EYS: variants seen among roughly 807,000 people sequenced by gnomAD.
EYS encodes the protein protein eyes shut homolog.
In EYS, 250 loss-of-function variants were observed where a neutral mutation model predicts 282.1. The ratio of observed to expected loss-of-function variants is 0.89; its 90% confidence interval spans 0.80 to 0.98. The LOEUF (loss-of-function observed/expected upper bound fraction) is 0.98, where lower values mean the gene tolerates loss of function less well. Ranked by LOEUF, EYS falls within the 50% of genes least tolerant of loss-of-function variation. EYS has a pLI of 0.00. For synonymous variants in EYS, 1,355 were observed against 1,282.9 expected, an observed-to-expected ratio of 1.06 and a Z score of -1.20; for missense variants, 4,016 against 3,709.0, an observed-to-expected ratio of 1.08 and a Z score of -2.15.
chr6:65,268,077 A>G (rs1213446161), intron 12 of EYS, among the ~76,000 whole-genome samples: 10 of 152,084 alleles, frequency 6.6e-5, no homozygotes, highest in African/African-American at 1.9e-4. Flanking sequence ...TTGCATATTC[A>G]CAATGTAAAA....
At chr6:64,836,223 A>C (rs968222361) in intron 19 of EYS, among the ~76,000 whole-genome samples, 2 of 151,116 alleles carry the variant, frequency 1.3e-5, no homozygotes, top group Admixed American at 1.3e-4. Flanking sequence ...CTTCAGTCAT[A>C]TCATTTTAAT....
intron 28 of EYS, among the ~76,000 whole-genome samples, chr6:64,428,396 A>T (rs1295117635): frequency 6.6e-6 from 1 of 152,170 alleles, no homozygotes; most frequent in Non-Finnish European, 1.5e-5. Context: ...AAATGAGGCA[A>T]GCTAGAATTA....
intron 33 of EYS, among the ~76,000 whole-genome samples, chr6:64,065,514 C>T (rs868419511): frequency 1.4e-4 from 21 of 152,150 alleles, no homozygotes; most frequent in African/African-American, 5.1e-4. Flanking sequence ...AATTTTGAAG[C>T]ATAAATGAAT....
intron 31 of EYS, among the ~76,000 whole-genome samples, chr6:64,185,225 A>G (rs952627506): frequency 2.6e-5 from 4 of 152,186 alleles, no homozygotes; most frequent in Admixed American, 6.6e-5. Flanking sequence ...AAACAACCAC[A>G]TATTTTAAAT....
chr6:63,785,401 G>A (rs1041578938), intron 39 of EYS, among the ~76,000 whole-genome samples: 3 of 151,356 alleles, frequency 2.0e-5, no homozygotes, highest in Non-Finnish European at 2.9e-5. Flanking sequence ...CCTTCATTCC[G>A]TGCCCAGTCT....
At chr6:65,296,241 G>A in intron 11 of EYS, 122 bp from the exon 12 acceptor site, 1 of 1,070,130 alleles carries the variant, frequency 9.3e-7, no homozygotes, top group Non-Finnish European at 1.3e-6. Flanking sequence ...ATAGTTGTGG[G>A]GTGCATTTAA....
chr6:64,049,559 G>A (rs548039953), intron 33 of EYS, among the ~76,000 whole-genome samples: 20 of 152,260 alleles, frequency 1.3e-4, no homozygotes, highest in Non-Finnish European at 2.5e-4. Flanking sequence ...GAAACTAAAG[G>A]TGTTTAAGCC....
intron 12 of EYS, among the ~76,000 whole-genome samples, chr6:65,268,690 A>G (rs545195776): frequency 7.2e-5 from 11 of 152,230 alleles, no homozygotes; most frequent in African/African-American, 2.6e-4. Flanking sequence ...AAGGGATTGT[A>G]TCATTCTCAT....
intron 7 of EYS, among the ~76,000 whole-genome samples, chr6:65,386,598 G>A (rs1343659759): frequency 1.3e-5 from 2 of 151,848 alleles, no homozygotes; most frequent in Non-Finnish European, 2.9e-5. Flanking sequence ...ATTTAAGAAT[G>A]TAAAACAGAG....
chr6:65,275,916 C>T (rs1009954432), intron 12 of EYS, among the ~76,000 whole-genome samples: 3 of 152,132 alleles, frequency 2.0e-5, no homozygotes, highest in Non-Finnish European at 2.9e-5. Context: ...GTCAAAACTA[C>T]TATCCATGCA....
At chr6:64,906,486 C>T (rs893548915) in intron 16 of EYS, among the ~76,000 whole-genome samples, 1 of 152,116 alleles carries the variant, frequency 6.6e-6, no homozygotes, top group African/African-American at 2.4e-5. Context: ...TCAAATGACA[C>T]ATTTATTTGG....
chr6:65,079,443 A>C (rs1774154944), intron 12 of EYS, among the ~76,000 whole-genome samples: 1 of 152,108 alleles, frequency 6.6e-6, no homozygotes, highest in African/African-American at 2.4e-5. Context: ...CATGAAATGT[A>C]ATTACAGATC....
At chr6:65,586,774 G>C (rs1765063177) in intron 2 of EYS, among the ~76,000 whole-genome samples, 1 of 152,002 alleles carries the variant, frequency 6.6e-6, no homozygotes, top group East Asian at 1.9e-4. Context: ...GTAGTAGTGT[G>C]TACATTCCCT....
chr6:64,805,699 TTAA>T (rs1457768358), intron 22 of EYS, among the ~76,000 whole-genome samples: 2 of 151,072 alleles, frequency 1.3e-5, no homozygotes, highest in African/African-American at 4.8e-5. Context: ...AATTTATTAT[TTAA>T]TAATATTTAT....
At position 65,297,027 on chromosome 6, in the gene EYS, T is replaced by C. The variant is rs1218776798; in HGVS notation, c.1767-908A>G. The stretch of plus-strand genomic sequence containing the variant: ...ACACATCTGTTCAAGGCCTAATTTA[T>C]TTGATCATTATACATTGAACAACTT... On this transcript the variant is annotated intron_variant, in intron 11 of 42. Transcript: ENST00000503581. Among the ~76,000 whole-genome samples the C allele has an allele frequency of 4.6e-5, 7 of 151,836 alleles. No homozygotes were observed. In the East Asian group the frequency reaches 1.4e-3, roughly 29 times the overall value.
chr6:64,145,654 C>G (rs1277696361), intron 31 of EYS, among the ~76,000 whole-genome samples: 1 of 152,032 alleles, frequency 6.6e-6, no homozygotes, highest in Non-Finnish European at 1.5e-5. Context: ...TTTTTCTTTA[C>G]TCTTGTAAGA....
At chr6:63,791,181 A>G (rs538760779) in intron 37 of EYS, among the ~76,000 whole-genome samples, 38 of 152,348 alleles carry the variant, frequency 2.5e-4, no homozygotes, top group African/African-American at 8.7e-4. Context: ...AGAGCTTGTT[A>G]GATGAAAAAA....
chr6:64,610,640 G>A (rs982389282), intron 24 of EYS, among the ~76,000 whole-genome samples: 3 of 152,028 alleles, frequency 2.0e-5, no homozygotes, highest in African/African-American at 7.2e-5. Context: ...CTGACCTCAA[G>A]TGATCCACCA....
Position 64,701,943 on chromosome 6 carries a change from A to G in EYS, c.3444-75698T>C, listed in dbSNP as rs958833076. ...TTTTGAATTTGCTTTGCAATTTACA[A>G]TAATTATTTTGAGAATGGAGTGCAT... On this transcript the variant is annotated intron_variant, in intron 22 of 42. Transcript: ENST00000503581. 9.2e-5 allele frequency among the ~76,000 whole-genome samples: 14 copies of G among 152,164 alleles called. No individual in the cohort carries two copies. In the South Asian group the frequency reaches 2.3e-3, roughly 25 times the overall value.
Sources: gnomAD v4.1 joint callset for allele counts (sites outside exome capture counted in the v4.1 genomes callset) on GRCh38, gnomAD v4.1.1 for gene constraint, MANE v1.5 for transcripts, NCBI Gene and HGNC (gene_info 2026-07-23, HGNC 2026-07-21) for gene names.